Variants in C16orf87 observed in about 807,000 individuals in gnomAD.
The protein encoded by C16orf87 is HDAC and MIER1 interacting protein 1, also known as UPF0547 protein C16orf87.
A neutral mutation model predicts 21.0 loss-of-function variants in C16orf87; 13 were observed. The observed-to-expected ratio is 0.62, with a 90% CI of 0.40 to 0.98. The LOEUF (loss-of-function observed/expected upper bound fraction) is 0.98, where lower values mean the gene tolerates loss of function less well. Ranked by LOEUF, C16orf87 falls within the 50% of genes least tolerant of loss-of-function variation. The pLI is 0.00. For synonymous variants in C16orf87, 49 were observed against 60.2 expected, an observed-to-expected ratio of 0.81 and a Z score of 0.86; for missense variants, 113 against 180.4, an observed-to-expected ratio of 0.63 and a Z score of 2.14.
rs573334679 is a variant in C16orf87, at chr16:46,800,407, T to C, written c.*2545A>G. On this transcript the variant is annotated 3_prime_UTR_variant, in exon 4 of 4. Transcript: ENST00000285697. ...CCCATGAAAATCTAAGAAATGTTCA[T>C]TTCTAAAACTAACAAACAAAATCAA... 3 of 152,328 alleles carry C rather than the reference T, an allele frequency of 2.0e-5. No individual in the cohort carries two copies. The South Asian group carries it at 6.2e-4, about 32-fold the overall frequency. The allele number at this position is 152,328 out of a possible 1,614,324, so 9.4% of individuals were successfully genotyped here.
chr16:46,807,893 T>C, intron 3 of C16orf87: 1 of 369,236 alleles, frequency 2.7e-6, no homozygotes, highest in South Asian at 2.1e-5. Flanking sequence ...TATATACAGT[T>C]CTACCACAAG....
At chr16:46,826,748 T>C (rs969599496) in intron 1 of C16orf87, among the ~76,000 whole-genome samples, 1 of 152,206 alleles carries the variant, frequency 6.6e-6, no homozygotes, top group African/African-American at 2.4e-5. Context: ...AAATTTCGTA[T>C]CTTCATAGAA....
At chr16:46,817,916 C>CAAAAAAAAAAAAAAAA (rs1056745014) in intron 2 of C16orf87, among the ~76,000 whole-genome samples, 1 of 68,294 alleles carries the variant, frequency 1.5e-5, no homozygotes, top group African/African-American at 5.8e-5. Flanking sequence ...CATCAAAAAG[C>CAAAAAAAAAAAAAAAA]AAAAAAAAAA....
chr16:46,802,887 A>T lies in C16orf87; in HGVS notation c.*65T>A. On this transcript the variant is annotated 3_prime_UTR_variant, in exon 4 of 4. Transcript: ENST00000285697. Reference sequence around the variant, plus strand: ...GCAGTCAGAATGCTCCTGAGAGTCCATAACTGTTTGAGAATTTGCTGATGT... The same window carrying T: ...GCAGTCAGAATGCTCCTGAGAGTCCTTAACTGTTTGAGAATTTGCTGATGT... The T allele has an allele frequency of 1.3e-6, 1 of 795,666 alleles. No homozygotes were observed. The highest frequency in any genetic ancestry group is 2.2e-6 in the Non-Finnish European group (1 of 448,212). The allele number at this position is 795,666 out of a possible 1,614,324, so 49.3% of individuals were successfully genotyped here.
intron 2 of C16orf87, among the ~76,000 whole-genome samples, chr16:46,810,990 C>T (rs1968063564): frequency 6.6e-6 from 1 of 152,186 alleles, no homozygotes; most frequent in African/African-American, 2.4e-5. Flanking sequence ...CAACTCATTA[C>T]TTTGAAAACT....
At chr16:46,818,799 C>T (rs905149873) in intron 2 of C16orf87, among the ~76,000 whole-genome samples, 24 of 152,140 alleles carry the variant, frequency 1.6e-4, no homozygotes, top group African/African-American at 5.8e-4. Context: ...AAGCAATCCT[C>T]CCACCTCAGC....
At chr16:46,821,595 G>C (rs890311358) in intron 2 of C16orf87, among the ~76,000 whole-genome samples, 3 of 152,274 alleles carry the variant, frequency 2.0e-5, no homozygotes, top group Admixed American at 6.5e-5. Context: ...ATAATGAATT[G>C]CTTCTTAAAA....
chr16:46,824,558 T>C, intron 1 of C16orf87, 76 bp from the exon 2 acceptor site: 1 of 567,702 alleles, frequency 1.8e-6, no homozygotes, highest in South Asian at 2.8e-5. Context: ...TGTGGTCTCC[T>C]CAAATGAATG....
In C16orf87 at chr16:46,815,310, C is replaced by G. The variant is rs540986528; in HGVS notation, c.164-5525G>C. ...TGTTTAAAAAATCATGGAAAAGCTT[C>G]ATGACATTGGATTTTGGCAATAATT... On this transcript the variant is annotated intron_variant, in intron 2 of 3. Coordinates refer to ENST00000285697, the MANE Select transcript of C16orf87 (RefSeq NM_001001436.4). Among the ~76,000 whole-genome samples, 3 of 151,162 alleles carry G rather than the reference C, an allele frequency of 2.0e-5. No homozygotes were observed. In the East Asian group the frequency reaches 5.8e-4, roughly 29 times the overall value.
chr16:46,810,667 T>TA (rs1364276154), intron 2 of C16orf87, among the ~76,000 whole-genome samples: 1 of 152,078 alleles, frequency 6.6e-6, no homozygotes, highest in African/African-American at 2.4e-5. Flanking sequence ...TAGACTGCTG[T>TA]AAAAAAATTA....
At position 46,799,405 on chromosome 16, in the gene C16orf87, A is replaced by C. The variant is rs1024396553; in HGVS notation, c.*3547T>G. On this transcript the variant is annotated 3_prime_UTR_variant, in exon 4 of 4. Coordinates refer to ENST00000285697, the MANE Select transcript of C16orf87 (RefSeq NM_001001436.4). ...AGAAAAAACCCAGCTGCACAGAAAA[A>C]ACTTTAATTAACTTAAATAAGAGAT... 1.3e-5 allele frequency: 2 copies of C among 152,190 alleles called. No individual in the cohort carries two copies. The highest frequency in any genetic ancestry group is 4.8e-5 in the African/African-American group (2 of 41,450). The allele number at this position is 152,190 out of a possible 1,614,324, so 9.4% of individuals were successfully genotyped here.
chr16:46,819,441 T>C (rs2341041), intron 2 of C16orf87, among the ~76,000 whole-genome samples: 121,568 of 151,542 alleles, frequency 0.8, 49,819 homozygotes, highest in East Asian at 1. Context: ...TCCCGAGTAT[T>C]TGAGATTACA....
intron 2 of C16orf87, among the ~76,000 whole-genome samples, chr16:46,813,885 C>A (rs1968169301): frequency 6.6e-6 from 1 of 152,202 alleles, no homozygotes; most frequent in African/African-American, 2.4e-5. Context: ...CAATGCGTCT[C>A]CTCCATCAAA....
rs1365190876 is a variant in C16orf87 at position 46,798,272 on chromosome 16, T to C, written c.*4680A>G. On this transcript the variant is annotated 3_prime_UTR_variant, in exon 4 of 4. Transcript: ENST00000285697. ...AGCCGGGCACGGTGGCTCATGCCTG[T>C]AAAGGCGGGTGGATCACCGGAGCTC... 6.6e-6 allele frequency: 1 copy of C among 152,336 alleles called. No homozygotes were observed. Among genetic ancestry groups the C allele is most frequent in the African/African-American group, 2.4e-5 (1 of 41,586 alleles). 9.4% of individuals were successfully genotyped at this position (152,336 alleles called of 1,614,324 possible). A position where few individuals can be genotyped will look rare whatever the true frequency, so the allele number is the denominator to read the frequency against.
intron 2 of C16orf87, among the ~76,000 whole-genome samples, chr16:46,818,791 G>C (rs1456034758): frequency 2.0e-5 from 3 of 152,036 alleles, no homozygotes; most frequent in Admixed American, 1.3e-4. Flanking sequence ...CCAGGCTCAA[G>C]CAATCCTCCC....
chr16:46,817,427 C>A (rs1413981138), intron 2 of C16orf87, among the ~76,000 whole-genome samples: 2 of 152,100 alleles, frequency 1.3e-5, no homozygotes, highest in African/African-American at 2.4e-5. Flanking sequence ...TGGCTCACCC[C>A]TGTAATTCCA....
intron 1 of C16orf87, among the ~76,000 whole-genome samples, chr16:46,830,268 C>CAGACAGAGAGAGAGAGAG (rs1555479543): frequency 6.7e-5 from 4 of 59,648 alleles, no homozygotes; most frequent in East Asian, 5.6e-4. Context: ...GAGAGACAGA[C>CAGACAGAGAGAGAGAGAG]AGAGAGAGAG....
intron 2 of C16orf87, among the ~76,000 whole-genome samples, chr16:46,814,470 C>T (rs1968183519): frequency 6.6e-6 from 1 of 152,198 alleles, no homozygotes; most frequent in Non-Finnish European, 1.5e-5. Context: ...GAATGAAATA[C>T]TGTAAGAGAT....
In C16orf87 at chr16:46,827,195, G is replaced by A. The variant is rs541021960; in HGVS notation, c.67-2713C>T. On this transcript the variant is annotated intron_variant, in intron 1 of 3. Coordinates refer to ENST00000285697, the MANE Select transcript of C16orf87 (RefSeq NM_001001436.4). Reference sequence around the variant, plus strand: ...ATAGTCTGAGTTAATTCATTCTATAGTCCTATTTAAAATAAAAAGTTCCTT... The same window carrying A: ...ATAGTCTGAGTTAATTCATTCTATAATCCTATTTAAAATAAAAAGTTCCTT... Among the ~76,000 whole-genome samples the A allele has an allele frequency of 2.7e-4, 41 of 151,984 alleles. 1 individual carries two copies. Among genetic ancestry groups the A allele is most frequent in the Admixed American group, 2.6e-3 (39 of 15,256 alleles).
Sources: allele counts gnomAD v4.1 joint callset (sites outside exome capture counted in the v4.1 genomes callset), GRCh38; gene constraint gnomAD v4.1.1; transcripts MANE v1.5; gene names NCBI Gene and HGNC (gene_info 2026-07-23, HGNC 2026-07-21).